Variants in DOCK8 observed in about 807,000 individuals in gnomAD.
DOCK8 encodes dedicator of cytokinesis protein 8.
In DOCK8, 141 loss-of-function variants were observed where a neutral mutation model predicts 245.6. That is an observed-to-expected ratio of 0.57 (90% confidence interval 0.50 to 0.66). DOCK8 has a LOEUF of 0.66. Ranked by LOEUF, DOCK8 falls within the 30% of genes least tolerant of loss-of-function variation. The pLI, the probability that DOCK8 is intolerant of heterozygous loss-of-function variation, is 0.00. For missense variants in DOCK8, 2,965 were observed against 2,603.4 expected (o/e 1.14, Z -3.02); for synonymous variants, 1,168 against 970.2 (o/e 1.20, Z -3.79).
intron 33 of DOCK8, among the ~76,000 whole-genome samples, chr9:423,856 C>G (rs532646129): frequency 1.3e-5 from 2 of 152,210 alleles, no homozygotes; most frequent in South Asian, 2.1e-4. Flanking sequence ...AAAGAAGACC[C>G]CTAAGTAGGC....
chr9:399,546 A>G (rs956812044), intron 26 of DOCK8, among the ~76,000 whole-genome samples: 1 of 152,164 alleles, frequency 6.6e-6, no homozygotes, highest in Non-Finnish European at 1.5e-5. Context: ...TTGACATTCA[A>G]CAGAAAATTA....
intron 24 of DOCK8, among the ~76,000 whole-genome samples, chr9:396,022 A>C (rs1197422478): frequency 6.6e-6 from 1 of 152,256 alleles, no homozygotes; most frequent in African/African-American, 2.4e-5. Context: ...AGATATCTAT[A>C]TAGAGATACT....
intron 5 of DOCK8, among the ~76,000 whole-genome samples, chr9:310,238 G>A (rs2050034804): frequency 6.7e-6 from 1 of 149,142 alleles, no homozygotes. Context: ...TTGCACTCCA[G>A]CCTGGCCAAA....
chr9:390,779 C>A (rs2054156737), intron 24 of DOCK8, among the ~76,000 whole-genome samples: 1 of 152,106 alleles, frequency 6.6e-6, no homozygotes, highest in Admixed American at 6.5e-5. Context: ...TTCTCATCAC[C>A]TTCACCACTC....
At chr9:261,561 C>T (rs2047918785) in intron 1 of DOCK8, among the ~76,000 whole-genome samples, 1 of 152,078 alleles carries the variant, frequency 6.6e-6, no homozygotes, top group African/African-American at 2.4e-5. Flanking sequence ...TTAATGTGTG[C>T]AAGAAGAATG....
chr9:454,944 G>A (rs186695275), intron 46 of DOCK8, among the ~76,000 whole-genome samples: 10 of 152,254 alleles, frequency 6.6e-5, no homozygotes, highest in Non-Finnish European at 8.8e-5. Context: ...CCTAGGGGTC[G>A]CTCCTTTAAC....
At chr9:346,484 G>T (rs10758219) in intron 14 of DOCK8, among the ~76,000 whole-genome samples, 98,159 of 151,758 alleles carry the variant, frequency 0.65, 32,055 homozygotes, top group East Asian at 0.84. Flanking sequence ...TCCCTTTAAT[G>T]GGTGATTACA....
At chr9:395,327 G>A (rs1221040322) in intron 24 of DOCK8, among the ~76,000 whole-genome samples, 1 of 152,082 alleles carries the variant, frequency 6.6e-6, no homozygotes, top group Non-Finnish European at 1.5e-5. Context: ...CTGTGTCTCT[G>A]GTTTTTTCTT....
At chr9:430,114 C>T (rs10758576) in intron 36 of DOCK8, among the ~76,000 whole-genome samples, 8 of 152,058 alleles carry the variant, frequency 5.3e-5, no homozygotes, top group Non-Finnish European at 7.4e-5. Context: ...ATGGCTTTCA[C>T]CTATAATCCC....
chr9:360,971 G>A (rs1173246558), intron 14 of DOCK8, among the ~76,000 whole-genome samples: 2 of 152,126 alleles, frequency 1.3e-5, no homozygotes, highest in African/African-American at 2.4e-5. Context: ...ACCAGCCTGG[G>A]TAACACAGGA....
chr9:419,184 T>C (rs991043523), intron 30 of DOCK8, among the ~76,000 whole-genome samples: 1 of 152,214 alleles, frequency 6.6e-6, no homozygotes, highest in Non-Finnish European at 1.5e-5. Flanking sequence ...AGAATTTAAC[T>C]TTCTTCTCCC....
At chr9:244,029 A>G (rs1276408691) in intron 1 of DOCK8, among the ~76,000 whole-genome samples, 1 of 151,318 alleles carries the variant, frequency 6.6e-6, no homozygotes, top group Non-Finnish European at 1.5e-5. Flanking sequence ...CTAAAAATAC[A>G]AAAAAAAATT....
intron 7 of DOCK8, among the ~76,000 whole-genome samples, chr9:317,383 A>G (rs1459548576): frequency 1.3e-5 from 2 of 152,176 alleles, no homozygotes; most frequent in African/African-American, 4.8e-5. Context: ...AGGTAAGGTC[A>G]TTGAGTGAAA....
Position 418,152 on chromosome 9 carries a change from C to G in DOCK8, c.3785C>G (p.Ala1262Gly), listed in dbSNP as rs376233983. The change falls in exon 30 of 48, where the codon GCC becomes GGC. Residue 1262 changes from alanine to glycine, a missense_variant. Coordinates refer to ENST00000432829, the MANE Select transcript of DOCK8 (RefSeq NM_203447.4). ...GCCATTAACCAGAATGTGGCTCTGGCCATAGCAGGGAATAATTTCAATTTG... is the reference window on the plus strand; with the variant it reads ...GCCATTAACCAGAATGTGGCTCTGGGCATAGCAGGGAATAATTTCAATTTG... ...AGAINQNVAL[A>G]IAGNNFNLKT... The G allele has an allele frequency of 6.2e-7, 1 of 1,614,168 alleles. No homozygotes were observed.
In DOCK8 at chr9:376,205, C is replaced by A; in HGVS notation, c.2110-5C>A. 1 of 1,586,938 alleles carries A rather than the reference C, an allele frequency of 6.3e-7. No homozygotes were observed. Among genetic ancestry groups the A allele is most frequent in the Non-Finnish European group, 8.7e-7 (1 of 1,155,904 alleles). ...GCTAATCTTTTTTTTTTCTCTTTAA[C>A]ACAGAAAGTCCCATTACAGAATCCT... On this transcript the variant is annotated splice_region_variant and splice_polypyrimidine_tract_variant and intron_variant, in intron 18 of 47. Transcript: ENST00000432829.
intron 1 of DOCK8, among the ~76,000 whole-genome samples, chr9:247,855 A>G (rs1201442915): frequency 6.6e-6 from 1 of 152,128 alleles, no homozygotes; most frequent in East Asian, 1.9e-4. Context: ...GTCTCTAAGG[A>G]AATGAATACT....
intron 2 of DOCK8, chr9:272,842 T>C (rs2048198937): frequency 6.3e-6 from 1 of 158,332 alleles, no homozygotes; most frequent in Non-Finnish European, 1.4e-5. Flanking sequence ...ATGAGATGGT[T>C]TGTAAAACCA....
intron 24 of DOCK8, among the ~76,000 whole-genome samples, chr9:391,845 A>T (rs1315834814): frequency 9.4e-5 from 10 of 106,122 alleles, no homozygotes; most frequent in African/African-American, 2.6e-4. Context: ...TTTTTTTTTT[A>T]AAGAGAGTCT....
intron 14 of DOCK8, among the ~76,000 whole-genome samples, chr9:354,189 AG>A (rs149143211): frequency 0.014 from 2,162 of 152,202 alleles, 42 homozygotes; most frequent in African/African-American, 0.05. Context: ...AAACTTAGCC[AG>A]CCGTGGTGAC....
Sources: gnomAD v4.1 joint callset for allele counts (sites outside exome capture counted in the v4.1 genomes callset) on GRCh38, gnomAD v4.1.1 for gene constraint, MANE v1.5 for transcripts, NCBI Gene and HGNC (gene_info 2026-07-23, HGNC 2026-07-21) for gene names.